The following WDFY4 variants were observed in gnomAD, a reference collection of about 807,000 sequenced individuals.
WDFY4 encodes the protein WDFY family member 4.
WDFY4 carries 169 observed loss-of-function variants against 351.9 expected under a neutral mutation model. That is an observed-to-expected ratio of 0.48 (90% confidence interval 0.42 to 0.55). The LOEUF (loss-of-function observed/expected upper bound fraction) is 0.55. Among genes scored for constraint, WDFY4 ranks in the 20% least tolerant of loss-of-function variants. WDFY4 has a pLI of 0.00. For synonymous variants in WDFY4, 1,622 were observed against 1,574.6 expected, an observed-to-expected ratio of 1.03 and a Z score of -0.71; for missense variants, 3,803 against 3,935.6, an observed-to-expected ratio of 0.97 and a Z score of 0.90.
intron 11 of WDFY4, among the ~76,000 whole-genome samples, chr10:48,739,484 C>G (rs563506349): frequency 1.3e-5 from 2 of 152,306 alleles, no homozygotes; most frequent in Non-Finnish European, 1.5e-5. Flanking sequence ...TCCTAGACTC[C>G]CCGTTCCTGA....
Position 48,811,624 on chromosome 10 carries a change from C to T in WDFY4, c.5130C>T (p.His1710=). 1 of 1,552,026 alleles carries T rather than the reference C, an allele frequency of 6.4e-7. No homozygotes were observed. The highest frequency in any genetic ancestry group is 8.7e-7 in the Non-Finnish European group (1 of 1,147,092). The change falls in exon 30 of 62, where the codon CAC becomes CAT. Residue 1710 remains histidine (H), a synonymous_variant. Coordinates refer to ENST00000325239, the MANE Select transcript of WDFY4 (RefSeq NM_001394531.1). ...GFRVLNDFLA[H]HVHIPEVYLI... ...GTGTCTTGAATGACTTTCTGGCCCA[C>T]CACGTCCACATTCCAGAGGTCTACC...
intron 51 of WDFY4, among the ~76,000 whole-genome samples, chr10:48,955,818 C>T (rs1364458394): frequency 6.6e-6 from 1 of 152,194 alleles, no homozygotes; most frequent in East Asian, 1.9e-4. Flanking sequence ...GACCCTCAGC[C>T]CTCTGAGCAG....
intron 11 of WDFY4, among the ~76,000 whole-genome samples, chr10:48,737,412 A>T (rs1471897333): frequency 6.6e-6 from 1 of 152,224 alleles, no homozygotes; most frequent in African/African-American, 2.4e-5. Flanking sequence ...CATCAACCTA[A>T]CTTACTTAAG....
At chr10:48,835,665 T>C (rs892037267) in intron 39 of WDFY4, among the ~76,000 whole-genome samples, 5 of 152,230 alleles carry the variant, frequency 3.3e-5, no homozygotes, top group African/African-American at 1.2e-4. Context: ...GTTAAGCTTT[T>C]GTAATTGCAC....
chr10:48,959,690 C>T (rs1463258925), intron 52 of WDFY4, 32 bp from the exon 53 acceptor site: 2 of 1,546,950 alleles, frequency 1.3e-6, no homozygotes, highest in Admixed American at 3.9e-5. Context: ...ATTTGAGTTA[C>T]CCAAATCTCT....
intron 25 of WDFY4, 90 bp from the exon 26 acceptor site, chr10:48,805,170 G>A: frequency 1.4e-6 from 2 of 1,435,742 alleles, no homozygotes; most frequent in Non-Finnish European, 1.9e-6. Context: ...CATGGAACAA[G>A]CCTGGCTTGA....
intron 1 of WDFY4, among the ~76,000 whole-genome samples, chr10:48,702,416 C>T (rs996461849): frequency 6.6e-6 from 1 of 152,200 alleles, no homozygotes; most frequent in African/African-American, 2.4e-5. Context: ...CTGGCAACCA[C>T]TGATCTTATT....
chr10:48,774,380 G>A, intron 13 of WDFY4, 78 bp from the exon 14 acceptor site: 1 of 1,465,110 alleles, frequency 6.8e-7, no homozygotes, highest in Non-Finnish European at 9.3e-7. Flanking sequence ...CTCACCCCAG[G>A]CCAAGTTGGA....
rs749262662 is a variant in WDFY4, at chr10:48,807,934, C to T, written c.4814C>T (p.Ser1605Phe). ...GAGATGCTGCTCAGTGTAATATCTT[C>T]CCCCCAGCTTCATCTGTCCTCTGAG... is the stretch of plus-strand genomic sequence containing the variant. ...LLEMLLSVISSPQLHLSSESK... is the reference protein window; with the variant it reads ...LLEMLLSVISFPQLHLSSESK... Residue 1605 changes from serine (S) to phenylalanine (F), a missense_variant, in exon 28 of 62, where the codon TCC becomes TTC. By Grantham distance (155) the Ser-to-Phe change is radical. Transcript: ENST00000325239. The T allele has an allele frequency of 4.2e-5, 65 of 1,547,110 alleles. No individual in the cohort carries two copies. The highest frequency in any genetic ancestry group is 2.1e-4 in the African/African-American group (15 of 72,760).
At chr10:48,959,652 TATTTTAC>T in intron 52 of WDFY4, 63 bp from the exon 53 acceptor site, 7 of 1,376,276 alleles carry the variant, frequency 5.1e-6, no homozygotes, top group Non-Finnish European at 7.1e-6. Flanking sequence ...GGGCAATGTG[TATTTTAC>T]ATCCCCCAGT....
chr10:48,902,362 C>T (rs1190012196), intron 47 of WDFY4, among the ~76,000 whole-genome samples: 1 of 152,190 alleles, frequency 6.6e-6, no homozygotes, highest in African/African-American at 2.4e-5. Flanking sequence ...GCCGCCAGGT[C>T]CCCTTTCCAG....
intron 47 of WDFY4, among the ~76,000 whole-genome samples, chr10:48,939,072 G>A (rs1204913405): frequency 6.6e-6 from 1 of 152,188 alleles, no homozygotes; most frequent in African/African-American, 2.4e-5. Context: ...AAACCCTGAG[G>A]AGCTTCTCAG....
chr10:48,696,667 C>T (rs943540286), intron 1 of WDFY4, among the ~76,000 whole-genome samples: 7 of 152,232 alleles, frequency 4.6e-5, no homozygotes, highest in African/African-American at 1.4e-4. Context: ...GACCTTGGGG[C>T]TGAACCCCAA....
chr10:48,876,895 C>A (rs7075968), intron 42 of WDFY4, 138 bp from the exon 43 acceptor site: 43 of 823,048 alleles, frequency 5.2e-5, no homozygotes, highest in Middle Eastern at 7.6e-4. Flanking sequence ...AGTGGAGGGG[C>A]ACAGTGAGAG....
chr10:48,730,836 C>CT (rs1366206591), intron 8 of WDFY4, among the ~76,000 whole-genome samples: 1 of 151,942 alleles, frequency 6.6e-6, no homozygotes, highest in Non-Finnish European at 1.5e-5. Flanking sequence ...GCATCATTTC[C>CT]TTTGTATTAT....
At chr10:48,821,471 T>C (rs2067821070) in intron 34 of WDFY4, among the ~76,000 whole-genome samples, 1 of 152,232 alleles carries the variant, frequency 6.6e-6, no homozygotes, top group Non-Finnish European at 1.5e-5. Context: ...ATGCAACCTC[T>C]TCCCATAAGG....
chr10:48,726,537 A>G (rs2064274036), intron 6 of WDFY4, among the ~76,000 whole-genome samples: 1 of 152,124 alleles, frequency 6.6e-6, no homozygotes. Flanking sequence ...TCATTTATAC[A>G]CTGGGAACTA....
intron 57 of WDFY4, among the ~76,000 whole-genome samples, chr10:48,972,628 G>A (rs77873432): frequency 0.02 from 3,011 of 152,278 alleles, 55 homozygotes; most frequent in Non-Finnish European, 0.032. Flanking sequence ...TTGTTTCCAA[G>A]TTTTAACTAT....
chr10:48,703,006 C>T (rs1410474226), intron 1 of WDFY4, among the ~76,000 whole-genome samples: 1 of 152,210 alleles, frequency 6.6e-6, no homozygotes, highest in African/African-American at 2.4e-5. Flanking sequence ...ACAGTGTCAG[C>T]TGTGCAGGTA....
Sources: gnomAD v4.1 joint callset for allele counts (sites outside exome capture counted in the v4.1 genomes callset) on GRCh38, gnomAD v4.1.1 for gene constraint, MANE v1.5 for transcripts, NCBI Gene and HGNC (gene_info 2026-07-23, HGNC 2026-07-21) for gene names.